Variants in FAM227A observed in about 807,000 individuals in gnomAD.
FAM227A encodes protein FAM227A.
A neutral mutation model predicts 74.7 loss-of-function variants in FAM227A; 80 were observed. That is an observed-to-expected ratio of 1.07 (90% CI 0.89 to 1.29). FAM227A has a LOEUF of 1.29. Among genes scored for constraint, FAM227A ranks in the 50% most tolerant of loss-of-function variants. The pLI, the probability that FAM227A is intolerant of heterozygous loss-of-function variation, is 0.00. For synonymous variants in FAM227A, 237 were observed against 241.8 expected, an observed-to-expected ratio of 0.98 and a Z score of 0.19; for missense variants, 654 against 683.4, an observed-to-expected ratio of 0.96 and a Z score of 0.48.
intron 6 of FAM227A, among the ~76,000 whole-genome samples, chr22:38,631,715 A>C (rs1427214282): frequency 6.6e-6 from 1 of 152,066 alleles, no homozygotes; most frequent in African/African-American, 2.4e-5. Flanking sequence ...GAGCCAGGCT[A>C]TGAGGCGCCT....
At position 38,582,105 on chromosome 22, in the gene FAM227A, A is replaced by G. The variant is rs1258069509; in HGVS notation, c.*4020T>C. ...GACATATGAGAAACTGCACACATTT[A>G]AAGTGTATTTAGGTGTGTATACACC... On this transcript the variant is annotated 3_prime_UTR_variant, in exon 17 of 17. Coordinates refer to ENST00000535113, the MANE Select transcript of FAM227A (RefSeq NM_001013647.2). 2 of 461,760 alleles carry G rather than the reference A, an allele frequency of 4.3e-6. No homozygotes were observed. Among genetic ancestry groups the G allele is most frequent in the Non-Finnish European group, 7.6e-6 (2 of 261,868 alleles). The allele number at this position is 461,760 out of a possible 1,614,324, so 28.6% of individuals were successfully genotyped here.
rs552744880 is a variant in FAM227A at position 38,652,900 on chromosome 22, C to T, written c.-94-2638G>A. Among the ~76,000 whole-genome samples, 500 of 148,804 alleles carry T rather than the reference C, an allele frequency of 3.4e-3. 1 individual carries two copies. Among genetic ancestry groups the T allele is most frequent in the Non-Finnish European group, 5.4e-3 (367 of 67,372 alleles). On this transcript the variant is annotated intron_variant, in intron 1 of 16. Transcript: ENST00000535113. ...TCAAAAAAAAAAAAAAAAAAAAATG[C>T]TGACTTTAGCATCTGACAGACTTTT... is the stretch of plus-strand genomic sequence containing the variant.
At chr22:38,632,666 T>C (rs1320272023) in intron 6 of FAM227A, among the ~76,000 whole-genome samples, 1 of 151,510 alleles carries the variant, frequency 6.6e-6, no homozygotes, top group Non-Finnish European at 1.5e-5. Flanking sequence ...AAGGGAGGGG[T>C]CCCAAAGAAC....
intron 11 of FAM227A, among the ~76,000 whole-genome samples, chr22:38,612,763 GA>G (rs1360533696): frequency 6.6e-6 from 1 of 151,884 alleles, no homozygotes; most frequent in Admixed American, 6.6e-5. Flanking sequence ...GAGTAGAGTA[GA>G]ACTTTTAACA....
chr22:38,612,275 CCTTT>C (rs1299191088), intron 11 of FAM227A, among the ~76,000 whole-genome samples: 11 of 152,170 alleles, frequency 7.2e-5, no homozygotes, highest in African/African-American at 1.4e-4. Context: ...TATTCATATT[CCTTT>C]CTATGATGCT....
At chr22:38,644,145 CAAAAAAAA>C (rs950184744) in intron 3 of FAM227A, among the ~76,000 whole-genome samples, 2 of 43,610 alleles carry the variant, frequency 4.6e-5, no homozygotes, top group Admixed American at 2.6e-4. Context: ...GACTCCATCT[CAAAAAAAA>C]AAAAAAAAAA....
intron 14 of FAM227A, among the ~76,000 whole-genome samples, chr22:38,598,156 T>C (rs954632174): frequency 1.1e-4 from 17 of 151,970 alleles, no homozygotes; most frequent in African/African-American, 4.1e-4. Flanking sequence ...TCAGACAAGA[T>C]AGCAGTCATC....
intron 5 of FAM227A, among the ~76,000 whole-genome samples, chr22:38,637,716 T>C (rs1207756088): frequency 6.6e-6 from 1 of 152,254 alleles, no homozygotes; most frequent in East Asian, 1.9e-4. Context: ...ATCAATGGAT[T>C]GTATGACAGT....
intron 1 of FAM227A, among the ~76,000 whole-genome samples, chr22:38,654,183 C>T (rs1367640985): frequency 6.6e-6 from 1 of 151,754 alleles, no homozygotes; most frequent in Non-Finnish European, 1.5e-5. Flanking sequence ...CCCGTCTCCA[C>T]TAAAAATACA....
intron 11 of FAM227A, among the ~76,000 whole-genome samples, chr22:38,611,059 C>G (rs1314944644): frequency 6.6e-6 from 1 of 151,034 alleles, no homozygotes; most frequent in Non-Finnish European, 1.5e-5. Flanking sequence ...GACTCCGTCT[C>G]GAAAAAAGAA....
In FAM227A at chr22:38,649,884, G is replaced by A. The variant is rs12169659; in HGVS notation, c.142+143C>T. 151 of 386,276 alleles carry A rather than the reference G, an allele frequency of 3.9e-4. 7 individuals are homozygous for A. The highest frequency in any genetic ancestry group is 1.4e-3 in the Middle Eastern group (2 of 1,426). 23.9% of individuals were successfully genotyped at this position (386,276 alleles called of 1,614,324 possible). ...CTCCATCTCAAAAAAAAAAAAGAAA[G>A]AAAAGAAAAGAAAAAATGAATGTAT... On this transcript the variant is annotated intron_variant, in intron 2 of 16. Transcript: ENST00000535113.
At chr22:38,602,796 C>G (rs1191026637) in intron 13 of FAM227A, among the ~76,000 whole-genome samples, 13 of 152,190 alleles carry the variant, frequency 8.5e-5, no homozygotes, top group Non-Finnish European at 7.3e-5. Flanking sequence ...CCTTTCCTAA[C>G]AGCCCCTGAC....
At chr22:38,643,462 G>A (rs973141129) in intron 3 of FAM227A, among the ~76,000 whole-genome samples, 2 of 152,130 alleles carry the variant, frequency 1.3e-5, no homozygotes, top group South Asian at 2.1e-4. Context: ...ATACCACTAC[G>A]CAGCAATCAG....
chr22:38,655,424 G>C (rs1483556288), intron 1 of FAM227A, among the ~76,000 whole-genome samples: 3 of 151,686 alleles, frequency 2.0e-5, no homozygotes, highest in Non-Finnish European at 2.9e-5. Flanking sequence ...CCAGCTACTT[G>C]GGAGGTGAAC....
rs114123100 is a variant in FAM227A, at chr22:38,581,174, T to A, written c.*4951A>T. ...GCAATTATTATTAATGCCCAAATGG[T>A]CCTCTCTTTTAGCTAATGGGATTGT... On this transcript the variant is annotated 3_prime_UTR_variant, in exon 17 of 17. Coordinates refer to ENST00000535113, the MANE Select transcript of FAM227A (RefSeq NM_001013647.2). 5.1e-4 allele frequency: 77 copies of A among 152,326 alleles called. No individual in the cohort carries two copies. The highest frequency in any genetic ancestry group is 1.9e-3 in the African/African-American group (77 of 41,568). The allele number at this position is 152,326 out of a possible 1,614,324, so 9.4% of individuals were successfully genotyped here. A position where few individuals can be genotyped will look rare whatever the true frequency, so the allele number is the denominator to read the frequency against.
chr22:38,600,491 C>A (rs2091149043), intron 13 of FAM227A, among the ~76,000 whole-genome samples: 1 of 151,630 alleles, frequency 6.6e-6, no homozygotes, highest in African/African-American at 2.4e-5. Flanking sequence ...CCACCAGCCA[C>A]CATGCCCAGC....
chr22:38,621,929 G>A (rs1351979108), intron 10 of FAM227A, among the ~76,000 whole-genome samples: 2 of 151,928 alleles, frequency 1.3e-5, no homozygotes, highest in South Asian at 4.1e-4. Context: ...CCCCCCCACT[G>A]CAGTGCCCAA....
intron 15 of FAM227A, among the ~76,000 whole-genome samples, chr22:38,596,327 C>A (rs1445501581): frequency 1.3e-5 from 2 of 152,044 alleles, no homozygotes; most frequent in African/African-American, 4.8e-5. Flanking sequence ...GCTCAAAAAA[C>A]AAAAAACAAA....
chr22:38,632,908 C>T (rs9306328), intron 6 of FAM227A, among the ~76,000 whole-genome samples: 74,670 of 152,004 alleles, frequency 0.49, 20,625 homozygotes, highest in African/African-American at 0.77. Flanking sequence ...GAACCCAGGC[C>T]ACAGCTGGAT....
Sources: allele counts gnomAD v4.1 joint callset (sites outside exome capture counted in the v4.1 genomes callset), GRCh38; gene constraint gnomAD v4.1.1; transcripts MANE v1.5; gene names NCBI Gene and HGNC (gene_info 2026-07-23, HGNC 2026-07-21).